Variants in ITPRID2 observed in about 807,000 individuals in gnomAD.
ITPRID2 encodes the protein protein ITPRID2.
ITPRID2 carries 60 observed loss-of-function variants against 124.3 expected under a neutral mutation model. The observed-to-expected ratio is 0.48, with a 90% CI of 0.39 to 0.60. The LOEUF is 0.60. Ranked by LOEUF, ITPRID2 falls within the 20% of genes least tolerant of loss-of-function variation. The pLI, the probability that ITPRID2 is intolerant of heterozygous loss-of-function variation, is 0.00. For synonymous variants in ITPRID2, 521 were observed against 542.9 expected (o/e 0.96, Z 0.56); for missense variants, 1,553 against 1,512.2 (o/e 1.03, Z -0.45).
rs202132268 is a variant in ITPRID2, at chr2:181,919,283, A to C, written c.2994-13A>C. ...GCATTTTTCCAATTTTGTGCCCTTC[A>C]CCATACCAATAGGTTTGAAGTTGAT... On this transcript the variant is annotated splice_polypyrimidine_tract_variant and intron_variant, in intron 13 of 17. Coordinates refer to ENST00000431877, the MANE Select transcript of ITPRID2 (RefSeq NM_001130445.3). This position sits in a 1 kb window ranked among gnomAD's most constrained non-coding sequence, Gnocchi z 4.2. 1.2e-6 allele frequency: 2 copies of C among 1,613,702 alleles called. No homozygotes were observed. The highest frequency in any genetic ancestry group is 1.7e-6 in the Non-Finnish European group (2 of 1,179,992).
chr2:181,909,595 A>G (rs757565761), intron 8 of ITPRID2, among the ~76,000 whole-genome samples: 12 of 152,210 alleles, frequency 7.9e-5, no homozygotes, highest in Non-Finnish European at 1.6e-4. Flanking sequence ...GTTCTTTACT[A>G]TTTAAGAACT....
chr2:181,913,473 T>C (rs1037458052), intron 9 of ITPRID2, among the ~76,000 whole-genome samples: 2 of 152,236 alleles, frequency 1.3e-5, no homozygotes, highest in Non-Finnish European at 2.9e-5. Context: ...ATTTACATAA[T>C]GGAAATGGTT....
Position 181,919,225 on chromosome 2 carries a change from G to A in ITPRID2, c.2994-71G>A. 1.3e-6 allele frequency: 2 copies of A among 1,558,370 alleles called. No homozygotes were observed. The highest frequency in any genetic ancestry group is 8.8e-7 in the Non-Finnish European group (1 of 1,140,272). On this transcript the variant is annotated intron_variant, in intron 13 of 17. Transcript: ENST00000431877. The surrounding 1 kb of genome is among the most constrained non-coding windows in gnomAD (Gnocchi z 4.2). ...TGCCTTCTGTTAGCATATAGTAGTT[G>A]TTGAAAGATTTGTGATTAGGAATCT... is the stretch of plus-strand genomic sequence containing the variant.
rs1414491571 is a variant in ITPRID2, at chr2:181,916,135, C to T, written c.2495C>T (p.Ser832Leu). ...ECHHGRTPTC[S>L]RLAPPPMSQS... ...CATCATGGAAGGACTCCTACCTGTT[C>T]ACGGCTTGCTCCACCACCAATGTCT... Residue 832 changes from serine (S) to leucine (L), a missense_variant, in exon 11 of 18, where the codon TCA (serine) becomes TTA (leucine). Coordinates refer to ENST00000431877, the MANE Select transcript of ITPRID2 (RefSeq NM_001130445.3). 6.2e-7 allele frequency: 1 copy of T among 1,614,222 alleles called. No individual in the cohort carries two copies. The highest frequency in any genetic ancestry group is 1.1e-5 in the South Asian group (1 of 91,078).
At position 181,928,142 on chromosome 2, in the gene ITPRID2, T is replaced by C; in HGVS notation, c.3676-19T>C. 6.8e-7 allele frequency: 1 copy of C among 1,479,360 alleles called. No homozygotes were observed. The highest frequency in any genetic ancestry group is 9.1e-7 in the Non-Finnish European group (1 of 1,103,990). 91.6% of individuals were successfully genotyped at this position (1,479,360 alleles called of 1,614,324 possible). On this transcript the variant is annotated intron_variant, in intron 16 of 17. Coordinates refer to ENST00000431877, the MANE Select transcript of ITPRID2 (RefSeq NM_001130445.3). Reference sequence around the variant, plus strand: ...CATTCATATTGGTAAATTTTTGTTTTATTGTTTTTCCAATCTAGATTAAAG... The same window carrying C: ...CATTCATATTGGTAAATTTTTGTTTCATTGTTTTTCCAATCTAGATTAAAG...
Position 181,892,128 on chromosome 2 carries a change from G to T in ITPRID2, c.62G>T (p.Ser21Ile), listed in dbSNP as rs1193639917. ...GAGGAACTGGAGTGGCAAGTGGCGA[G>T]TCGCAGGAGGAAGGCCTGGGCCAAG... ...AEEELEWQVA[S>I]RRRKAWAKCR... The change falls in exon 1 of 18, where the codon AGT becomes ATT. Residue 21 changes from serine to isoleucine, a missense_variant. Transcript: ENST00000431877. The surrounding 1 kb of genome is among the most constrained non-coding windows in gnomAD (Gnocchi z 5.2). The T allele has an allele frequency of 6.4e-7, 1 of 1,558,680 alleles. No homozygotes were observed. Among genetic ancestry groups the T allele is most frequent in the East Asian group, 2.4e-5 (1 of 41,650 alleles).
At chr2:181,916,608 T>C in intron 11 of ITPRID2, 181 bp downstream of exon 11, 1 of 873,004 alleles carries the variant, frequency 1.1e-6, no homozygotes, top group Non-Finnish European at 1.7e-6. Context: ...AGGGAGAAGC[T>C]GTAACTAACC....
At chr2:181,895,096 A>G (rs1264539608) in intron 2 of ITPRID2, among the ~76,000 whole-genome samples, 2 of 152,094 alleles carry the variant, frequency 1.3e-5, no homozygotes, top group Non-Finnish European at 2.9e-5. Context: ...TTGTTAGTAT[A>G]CTTGTAGAAA....
intron 6 of ITPRID2, among the ~76,000 whole-genome samples, chr2:181,900,281 A>C (rs1369221972): frequency 6.6e-6 from 1 of 152,192 alleles, no homozygotes; most frequent in African/African-American, 2.4e-5. Flanking sequence ...GGATAACAGA[A>C]AAGCTCAAAT....
rs749328213 is a variant in ITPRID2, at chr2:181,916,012, A to G, written c.2372A>G (p.Asp791Gly). The change falls in exon 11 of 18, where the codon GAT (aspartate) becomes GGT (glycine). Residue 791 changes from aspartate to glycine, a missense_variant. Physicochemically the swap from Asp to Gly is moderately conservative, Grantham distance 94. Coordinates refer to ENST00000431877, the MANE Select transcript of ITPRID2 (RefSeq NM_001130445.3). ...QELEKRVMEHDGQSLVKSTIF... is the reference protein window; with the variant it reads ...QELEKRVMEHGGQSLVKSTIF... Reference sequence around the variant, plus strand: ...TTGGAAAAGCGGGTGATGGAACATGATGGTCAGTCTTTAGTTAAATCGACC... The same window carrying G: ...TTGGAAAAGCGGGTGATGGAACATGGTGGTCAGTCTTTAGTTAAATCGACC... 5.0e-6 allele frequency: 8 copies of G among 1,614,186 alleles called. No homozygotes were observed. The Admixed American group carries it at 1.3e-4, about 27-fold the overall frequency.
At position 181,892,946 on chromosome 2, in the gene ITPRID2, G is replaced by A. The variant is rs947279291; in HGVS notation, c.257+286G>A. ...CAGAACAGATAATCATGCCATATTT[G>A]TTCTGTTTTTATTTGAAAGAATTCT... On this transcript the variant is annotated intron_variant, in intron 2 of 17. Transcript: ENST00000431877. This position sits in a 1 kb window ranked among gnomAD's most constrained non-coding sequence, Gnocchi z 5.2. 3 of 517,832 alleles carry A rather than the reference G, an allele frequency of 5.8e-6. No individual in the cohort carries two copies. Among genetic ancestry groups the A allele is most frequent in the African/African-American group, 3.8e-5 (2 of 52,770 alleles). 32.1% of individuals were successfully genotyped at this position (517,832 alleles called of 1,614,324 possible). A position where few individuals can be genotyped will look rare whatever the true frequency, so the allele number is the denominator to read the frequency against.
chr2:181,902,952 A>G lies in ITPRID2; in HGVS notation c.1413+486A>G, dbSNP rs974195345. Reference sequence around the variant, plus strand: ...TTCTTGTTATATGACTGGAAAGAACATGAAGATATTACGTACCTGCATGGG... The same window carrying G: ...TTCTTGTTATATGACTGGAAAGAACGTGAAGATATTACGTACCTGCATGGG... On this transcript the variant is annotated intron_variant, in intron 8 of 17. Transcript: ENST00000431877. This position sits in a 1 kb window ranked among gnomAD's most constrained non-coding sequence, Gnocchi z 4.4. Among the ~76,000 whole-genome samples the G allele has an allele frequency of 2.0e-5, 3 of 152,206 alleles. No individual in the cohort carries two copies. The highest frequency in any genetic ancestry group is 7.2e-5 in the African/African-American group (3 of 41,456).
In ITPRID2 at chr2:181,919,400, T is replaced by C. The variant is rs997700919; in HGVS notation, c.3098T>C (p.Leu1033Pro). ...CGCCTGCTGGGCCTGGAGGAGCAGC[T>C]TCGTGCTGTGCGCATGCCTTCACCC... ...EERLLGLEEQ[L>P]RAVRMPSPFR... The change falls in exon 14 of 18, where the codon CTT becomes CCT. Residue 1033 changes from leucine (L) to proline (P), a missense_variant. Coordinates refer to ENST00000431877, the MANE Select transcript of ITPRID2 (RefSeq NM_001130445.3). The surrounding 1 kb of genome is among the most constrained non-coding windows in gnomAD (Gnocchi z 4.2). 2 of 1,613,508 alleles carry C rather than the reference T, an allele frequency of 1.2e-6. No individual in the cohort carries two copies. Among genetic ancestry groups the C allele is most frequent in the Non-Finnish European group, 1.7e-6 (2 of 1,179,806 alleles).
chr2:181,916,362 G>T lies in ITPRID2; in HGVS notation c.2722G>T (p.Ala908Ser), dbSNP rs1235577056. ...AGTGTGCTCTGTGAATCCTCCTTCA[G>T]CCATAGAAATGCAGTTGCGAAGAGT... ...YRVCSVNPPS[A>S]IEMQLRRVLH... The change falls in exon 11 of 18, where the codon GCC (alanine) becomes TCC (serine). Residue 908 changes from alanine to serine, a missense_variant. Ala to Ser is a moderately conservative substitution (Grantham distance 99). Coordinates refer to ENST00000431877, the MANE Select transcript of ITPRID2 (RefSeq NM_001130445.3). The T allele has an allele frequency of 2.0e-5, 32 of 1,614,050 alleles. No individual in the cohort carries two copies. Among genetic ancestry groups the T allele is most frequent in the Non-Finnish European group, 2.5e-5 (29 of 1,180,026 alleles).
chr2:181,910,470 C>G lies in ITPRID2; in HGVS notation c.1486+499C>G, dbSNP rs779238695. On this transcript the variant is annotated intron_variant, in intron 9 of 17. Coordinates refer to ENST00000431877, the MANE Select transcript of ITPRID2 (RefSeq NM_001130445.3). The surrounding 1 kb of genome is among the most constrained non-coding windows in gnomAD (Gnocchi z 4.1). Reference sequence around the variant, plus strand: ...GTGAGTGGTTGTAGATACTGTTCCTCTCTTAAATTATTAATTATTGACCAA... The same window carrying G: ...GTGAGTGGTTGTAGATACTGTTCCTGTCTTAAATTATTAATTATTGACCAA... 10 of 577,928 alleles carry G rather than the reference C, an allele frequency of 1.7e-5. No individual in the cohort carries two copies. Among genetic ancestry groups the G allele is most frequent in the Non-Finnish European group, 3.1e-5 (10 of 323,182 alleles). The allele number at this position is 577,928 out of a possible 1,614,324, so 35.8% of individuals were successfully genotyped here. A position where few individuals can be genotyped will look rare whatever the true frequency, so the allele number is the denominator to read the frequency against.
In ITPRID2 at chr2:181,901,947, A is replaced by C; in HGVS notation, c.894A>C (p.Thr298=). The change falls in exon 8 of 18, where the codon ACA becomes ACC. Residue 298 remains threonine, a synonymous_variant. Coordinates refer to ENST00000431877, the MANE Select transcript of ITPRID2 (RefSeq NM_001130445.3). ...ACACTGCAAATCGTTTAATGAAAAC[A>C]CTCTCAAAACTGAATTTATGTGTTG... is the stretch of plus-strand genomic sequence containing the variant. The part of the protein sequence containing the change: ...RSNTANRLMK[T]LSKLNLCVDK... 6.2e-7 allele frequency: 1 copy of C among 1,613,922 alleles called. No individual in the cohort carries two copies. Among genetic ancestry groups the C allele is most frequent in the South Asian group, 1.1e-5 (1 of 91,080 alleles).
chr2:181,910,375 T>G lies in ITPRID2; in HGVS notation c.1486+404T>G, dbSNP rs1328039850. The G allele has an allele frequency of 2.0e-6, 1 of 507,902 alleles. No homozygotes were observed. Among genetic ancestry groups the G allele is most frequent in the Non-Finnish European group, 3.5e-6 (1 of 286,584 alleles). 31.5% of individuals were successfully genotyped at this position (507,902 alleles called of 1,614,324 possible). A position where few individuals can be genotyped will look rare whatever the true frequency, so the allele number is the denominator to read the frequency against. On this transcript the variant is annotated intron_variant, in intron 9 of 17. Transcript: ENST00000431877. The surrounding 1 kb of genome is among the most constrained non-coding windows in gnomAD (Gnocchi z 4.1). ...AGCTCCTAGGTATAACACATGAATATTCCTCTAGCAAAACCCACCAATTTT... is the reference window on the plus strand; with the variant it reads ...AGCTCCTAGGTATAACACATGAATAGTCCTCTAGCAAAACCCACCAATTTT...
At chr2:181,914,018 G>T (rs1693834364) in intron 10 of ITPRID2, 85 bp downstream of exon 10, 1 of 831,852 alleles carries the variant, frequency 1.2e-6, no homozygotes, top group African/African-American at 1.8e-5. Context: ...TTAATATTGA[G>T]TCTGTATAAT....
Position 181,896,164 on chromosome 2 carries a change from T to C in ITPRID2, c.307+85T>C, listed in dbSNP as rs914694345. 28 of 1,184,310 alleles carry C rather than the reference T, an allele frequency of 2.4e-5. No individual in the cohort carries two copies. Among genetic ancestry groups the C allele is most frequent in the Non-Finnish European group, 3.4e-5 (27 of 803,222 alleles). 73.4% of individuals were successfully genotyped at this position (1,184,310 alleles called of 1,614,324 possible). A position where few individuals can be genotyped will look rare whatever the true frequency, so the allele number is the denominator to read the frequency against. On this transcript the variant is annotated intron_variant, in intron 3 of 17. Coordinates refer to ENST00000431877, the MANE Select transcript of ITPRID2 (RefSeq NM_001130445.3). The surrounding 1 kb of genome is among the most constrained non-coding windows in gnomAD (Gnocchi z 4.3). Reference sequence around the variant, plus strand: ...TGGGTAAAAGTGTATATATGACTTATAAAAGTGATATTCATGTTTATAGTA... The same window carrying C: ...TGGGTAAAAGTGTATATATGACTTACAAAAGTGATATTCATGTTTATAGTA...
Sources: gnomAD v4.1 joint callset for allele counts (sites outside exome capture counted in the v4.1 genomes callset) on GRCh38, gnomAD v4.1.1 for gene constraint, Gnocchi (gnomAD v3.1) non-coding constraint, MANE v1.5 for transcripts, NCBI Gene and HGNC (gene_info 2026-07-23, HGNC 2026-07-21) for gene names.